The following PARPBP variants were observed in gnomAD, a reference collection of about 807,000 sequenced individuals.
PARPBP encodes PARP1 binding protein, also known as PCNA-interacting partner.
PARPBP carries 52 observed loss-of-function variants against 50.0 expected under a neutral mutation model. That is an observed-to-expected ratio of 1.04 (90% CI 0.83 to 1.31). PARPBP has a LOEUF of 1.31. PARPBP is among the 50% of genes most tolerant of loss of function. PARPBP has a pLI of 0.00. For missense variants in PARPBP, 697 were observed against 672.0 expected (o/e 1.04, Z -0.41); for synonymous variants, 244 against 232.1 (o/e 1.05, Z -0.47).
At chr12:102,162,547 A>G (rs1163692165) in intron 4 of PARPBP, among the ~76,000 whole-genome samples, 7 of 152,218 alleles carry the variant, frequency 4.6e-5, no homozygotes, top group Admixed American at 2.6e-4. Context: ...TGCGCTGCTC[A>G]TGGTGGCTCA....
In PARPBP at chr12:102,169,379, A is replaced by G. The variant is rs1594581122; in HGVS notation, c.821+3496A>G. 3.9e-5 allele frequency among the ~76,000 whole-genome samples: 6 copies of G among 152,292 alleles called. No homozygotes were observed. In the South Asian group the frequency reaches 1.2e-3, roughly 32 times the overall value. On this transcript the variant is annotated intron_variant, in intron 6 of 10. Coordinates refer to ENST00000327680, the MANE Select transcript of PARPBP (RefSeq NM_017915.5). Reference sequence around the variant, plus strand: ...AAACATATCTTCAACTATCTTTAAGATGGTGCCTCACAGGCAACTCATATG... The same window carrying G: ...AAACATATCTTCAACTATCTTTAAGGTGGTGCCTCACAGGCAACTCATATG...
At chr12:102,164,380 A>T (rs1887906381) in intron 4 of PARPBP, 58 bp from the exon 5 acceptor site, 3 of 1,275,332 alleles carry the variant, frequency 2.4e-6, no homozygotes, top group Non-Finnish European at 2.2e-6. Flanking sequence ...CTTATGAAAA[A>T]GATTATGGAT....
At chr12:102,186,970 T>C (rs903434425) in intron 9 of PARPBP, among the ~76,000 whole-genome samples, 2 of 151,672 alleles carry the variant, frequency 1.3e-5, no homozygotes, top group African/African-American at 4.8e-5. Context: ...ACAAATTCTT[T>C]TATTTAACCC....
rs778257717 is a variant in PARPBP at position 102,197,125 on chromosome 12, T to G, written c.*834T>G. The G allele has an allele frequency of 5.6e-6, 9 of 1,612,348 alleles. No individual in the cohort carries two copies. Among genetic ancestry groups the G allele is most frequent in the Non-Finnish European group, 7.6e-6 (9 of 1,178,710 alleles). On this transcript the variant is annotated 3_prime_UTR_variant, in exon 11 of 11. Transcript: ENST00000327680. ...TGCAAGATAAGGTTTTATAGCCAGATTCAGTGGCAGACCATGATTTAAGAA... is the reference window on the plus strand; with the variant it reads ...TGCAAGATAAGGTTTTATAGCCAGAGTCAGTGGCAGACCATGATTTAAGAA...
intron 2 of PARPBP, among the ~76,000 whole-genome samples, chr12:102,138,270 T>C (rs1035737792): frequency 5.3e-5 from 8 of 152,374 alleles, no homozygotes; most frequent in African/African-American, 1.9e-4. Flanking sequence ...GATGAGCATT[T>C]TTTCTTGTGT....
intron 8 of PARPBP, among the ~76,000 whole-genome samples, chr12:102,182,078 C>T (rs1264950471): frequency 6.6e-6 from 1 of 152,192 alleles, no homozygotes; most frequent in Non-Finnish European, 1.5e-5. Context: ...CTTCACATGA[C>T]TTTACAATTG....
intron 7 of PARPBP, among the ~76,000 whole-genome samples, chr12:102,177,108 C>T (rs2136724109): frequency 6.6e-6 from 1 of 152,236 alleles, no homozygotes; most frequent in East Asian, 1.9e-4. Flanking sequence ...ATATGGAATT[C>T]TGTGGTACTA....
At chr12:102,185,381 T>C (rs1028583454) in intron 9 of PARPBP, among the ~76,000 whole-genome samples, 1 of 152,224 alleles carries the variant, frequency 6.6e-6, no homozygotes, top group African/African-American at 2.4e-5. Context: ...GGATAAATCC[T>C]ACTTTGTCAT....
At chr12:102,189,111 T>C (rs1219026111) in intron 9 of PARPBP, among the ~76,000 whole-genome samples, 1 of 152,136 alleles carries the variant, frequency 6.6e-6, no homozygotes, top group Non-Finnish European at 1.5e-5. Flanking sequence ...GTAGAAACAA[T>C]ATTTGAAGAT....
chr12:102,194,954 A>G (rs907730723), intron 9 of PARPBP, among the ~76,000 whole-genome samples: 2 of 151,474 alleles, frequency 1.3e-5, no homozygotes, highest in Non-Finnish European at 3.0e-5. Context: ...ATGATTATGT[A>G]TATCACCTGT....
At chr12:102,189,368 C>A (rs928055910) in intron 9 of PARPBP, among the ~76,000 whole-genome samples, 1 of 152,194 alleles carries the variant, frequency 6.6e-6, no homozygotes, top group Non-Finnish European at 1.5e-5. Flanking sequence ...GTAGAACTTT[C>A]AGTGATGGAA....
Position 102,175,574 on chromosome 12 carries a change from G to T in PARPBP, c.913G>T (p.Val305Phe). 1 of 1,612,834 alleles carries T rather than the reference G, an allele frequency of 6.2e-7. No individual in the cohort carries two copies. Among genetic ancestry groups the T allele is most frequent in the Non-Finnish European group, 8.5e-7 (1 of 1,178,870 alleles). ...RDPFCKAIEE[V>F]AQDLDLRIKN... Reference sequence around the variant, plus strand: ...TCCTTTTTGCAAAGCAATAGAGGAAGTTGCTCAGGATTTGGATTTGAGGAT... The same window carrying T: ...TCCTTTTTGCAAAGCAATAGAGGAATTTGCTCAGGATTTGGATTTGAGGAT... The change falls in exon 7 of 11, where the codon GTT (valine) becomes TTT (phenylalanine). Residue 305 changes from valine to phenylalanine, a missense_variant. Transcript: ENST00000327680.
intron 4 of PARPBP, among the ~76,000 whole-genome samples, chr12:102,158,036 C>T (rs1175928159): frequency 2.1e-5 from 3 of 143,210 alleles, no homozygotes; most frequent in Non-Finnish European, 3.0e-5. Flanking sequence ...AGGAGAATGG[C>T]GTGAACCTGG....
At chr12:102,126,063 C>G (rs1354960375) in intron 2 of PARPBP, among the ~76,000 whole-genome samples, 1 of 152,238 alleles carries the variant, frequency 6.6e-6, no homozygotes, top group Non-Finnish European at 1.5e-5. Flanking sequence ...ATTGGCAAAT[C>G]TCTTCACCAA....
intron 6 of PARPBP, 60 bp from the exon 7 acceptor site, chr12:102,175,423 T>C (rs958096932): frequency 1.9e-6 from 2 of 1,077,218 alleles, no homozygotes; most frequent in African/African-American, 3.2e-5. Flanking sequence ...TATTTTCAAG[T>C]CTATAAGCAT....
intron 9 of PARPBP, among the ~76,000 whole-genome samples, chr12:102,184,886 T>C (rs539991603): frequency 6.6e-6 from 1 of 152,300 alleles, no homozygotes; most frequent in East Asian, 1.9e-4. Flanking sequence ...CTTATTACTC[T>C]GTTACTTTTG....
intron 2 of PARPBP, among the ~76,000 whole-genome samples, chr12:102,136,806 A>G (rs1045947913): frequency 1.3e-5 from 2 of 152,206 alleles, no homozygotes; most frequent in African/African-American, 4.8e-5. Flanking sequence ...CAACATACCT[A>G]TATGTCTGCG....
At chr12:102,160,724 AG>A (rs1191796463) in intron 4 of PARPBP, among the ~76,000 whole-genome samples, 12 of 152,026 alleles carry the variant, frequency 7.9e-5, no homozygotes, top group African/African-American at 2.4e-4. Flanking sequence ...TGAGGCAGGC[AG>A]ATCACCTGAG....
rs1190493513 is a variant in PARPBP, at chr12:102,195,491, G to GT, written c.1399+45dup. On this transcript the variant is annotated intron_variant, in intron 10 of 10. Transcript: ENST00000327680. ...GCAATTAAATAACAATTTAATTCTA[G>GT]TCTACTAATTAGTTTTAACTTAAGT... 9.7e-6 allele frequency: 14 copies of GT among 1,438,792 alleles called. No individual in the cohort carries two copies. In the East Asian group the frequency reaches 3.3e-4, roughly 33 times the overall value. 89.1% of individuals were successfully genotyped at this position (1,438,792 alleles called of 1,614,324 possible).
Sources: allele counts gnomAD v4.1 joint callset (sites outside exome capture counted in the v4.1 genomes callset), GRCh38; gene constraint gnomAD v4.1.1; transcripts MANE v1.5; gene names NCBI Gene and HGNC (gene_info 2026-07-23, HGNC 2026-07-21).